The following LRRC37A variants were observed in gnomAD, a reference collection of about 807,000 sequenced individuals.
LRRC37A encodes leucine rich repeat containing 37A.
Under a neutral mutation model 35.4 loss-of-function variants are expected in LRRC37A, and 3 were observed. The ratio of observed to expected loss-of-function variants is 0.08; its 90% CI spans 0.04 to 0.22. LRRC37A has a LOEUF of 0.22. Ranked by LOEUF, LRRC37A falls within the 10% of genes least tolerant of loss-of-function variation. The pLI is 1.00. For missense variants in LRRC37A, 67 were observed against 565.3 expected, an observed-to-expected ratio of 0.12 and a Z score of 8.94; for synonymous variants, 23 against 215.0, an observed-to-expected ratio of 0.11 and a Z score of 7.81.
chr17:46,291,706 CT>C (rs2050072020), upstream of LRRC37A, among the ~76,000 whole-genome samples: 1 of 151,896 alleles, frequency 6.6e-6, no homozygotes, highest in Non-Finnish European at 1.5e-5. Flanking sequence ...GGATCACTTG[CT>C]TGAGCCCGGG....
At chr17:46,282,706 G>A in the LRRC37A span, among the ~76,000 whole-genome samples, 6 of 151,934 alleles carry the variant, frequency 3.9e-5, no homozygotes, top group African/African-American at 1.5e-4. Context: ...ACAGGCATAA[G>A]TCACCTTGCC....
the LRRC37A span, among the ~76,000 whole-genome samples, chr17:46,261,988 T>C: frequency 0.13 from 19,446 of 152,044 alleles, 1 homozygote; most frequent in Middle Eastern, 0.2. Flanking sequence ...CTTGCTCTGT[T>C]GCCCAGGCTG....
chr17:46,271,884 C>T, the LRRC37A span, among the ~76,000 whole-genome samples: 1 of 152,212 alleles, frequency 6.6e-6, no homozygotes, highest in African/African-American at 2.4e-5. Flanking sequence ...ACCTCAGCCT[C>T]CTGAGTAGCT....
upstream of LRRC37A, among the ~76,000 whole-genome samples, chr17:46,289,383 A>G (rs1329964551): frequency 6.6e-6 from 1 of 152,032 alleles, no homozygotes; most frequent in Non-Finnish European, 1.5e-5. Flanking sequence ...TGTGTTGCCC[A>G]GGTAACTTAC....
intron 1 of LRRC37A, among the ~76,000 whole-genome samples, chr17:46,298,723 C>CAA (rs1189992034): frequency 7.4e-4 from 30 of 40,352 alleles, no homozygotes; most frequent in Non-Finnish European, 1.0e-3. Context: ...GACTCCATCT[C>CAA]AAAAAAAAAA....
At chr17:46,332,197 TA>T (rs1344429052) in intron 9 of LRRC37A, among the ~76,000 whole-genome samples, 2 of 27,934 alleles carry the variant, frequency 7.2e-5, no homozygotes, top group Non-Finnish European at 1.2e-4. Context: ...CTCACGCCTG[TA>T]ATCTCAGCAC....
At chr17:46,285,602 A>T in the LRRC37A span, among the ~76,000 whole-genome samples, 1 of 152,168 alleles carries the variant, frequency 6.6e-6, no homozygotes, top group Non-Finnish European at 1.5e-5. Context: ...TTCTCAATCC[A>T]TGGGAGTGAG....
the LRRC37A span, among the ~76,000 whole-genome samples, chr17:46,265,271 TTCTTCTTCTTCTTC>T: frequency 1.8e-5 from 1 of 56,880 alleles, no homozygotes; most frequent in African/African-American, 5.6e-5. Context: ...CTTCTTCTTC[TTCTTCTTCTTCTTC>T]TTCTTCTTCT....
the LRRC37A span, chr17:46,267,247 G>A: frequency 2.8e-5 from 24 of 845,122 alleles, no homozygotes; most frequent in African/African-American, 3.7e-5. Flanking sequence ...CATGCGGGCC[G>A]TTTCGCTGTT....
At chr17:46,259,383 C>T in the LRRC37A span, among the ~76,000 whole-genome samples, 2 of 152,208 alleles carry the variant, frequency 1.3e-5, no homozygotes, top group South Asian at 2.1e-4. Flanking sequence ...ACCTAAGCTG[C>T]CCCCAGGTGC....
At chr17:46,263,379 C>T in the LRRC37A span, among the ~76,000 whole-genome samples, 6 of 152,030 alleles carry the variant, frequency 3.9e-5, no homozygotes, top group South Asian at 2.1e-4. Context: ...GGTGAAACCC[C>T]GTCTCTACTA....
the LRRC37A span, among the ~76,000 whole-genome samples, chr17:46,258,707 CTTTTTTTTT>C: frequency 9.1e-4 from 74 of 81,048 alleles, no homozygotes; most frequent in Middle Eastern, 0.022. Context: ...GACTATTATT[CTTTTTTTTT>C]TTTTTTTTTT....
chr17:46,274,250 T>A, the LRRC37A span, among the ~76,000 whole-genome samples: 1 of 152,226 alleles, frequency 6.6e-6, no homozygotes, highest in Non-Finnish European at 1.5e-5. Context: ...TGAATTTTAA[T>A]ACAAAAAGAA....
At chr17:46,268,790 C>T in the LRRC37A span, 1 of 900,936 alleles carries the variant, frequency 1.1e-6, no homozygotes, top group South Asian at 2.7e-5. Flanking sequence ...AGAAGAGAGC[C>T]CAAAGCTACT....
intron 10 of LRRC37A, among the ~76,000 whole-genome samples, chr17:46,332,860 T>C (rs1362202286): frequency 1.9e-4 from 29 of 150,134 alleles, no homozygotes; most frequent in Admixed American, 2.0e-4. Flanking sequence ...CTTTCAGATC[T>C]CTGTGAATTG....
chr17:46,257,869 CATTT>C, the LRRC37A span, among the ~76,000 whole-genome samples: 2 of 151,730 alleles, frequency 1.3e-5, no homozygotes, highest in African/African-American at 4.8e-5. Flanking sequence ...AAACAAAAAA[CATTT>C]ATTATATCAC....
chr17:46,280,060 G>A, the LRRC37A span, among the ~76,000 whole-genome samples: 1 of 152,086 alleles, frequency 6.6e-6, no homozygotes, highest in East Asian at 1.9e-4. Flanking sequence ...TGAACCTCTT[G>A]TTTTCTGAAC....
upstream of LRRC37A, among the ~76,000 whole-genome samples, chr17:46,289,037 T>G (rs1270970225): frequency 1.3e-5 from 2 of 152,196 alleles, no homozygotes; most frequent in African/African-American, 4.8e-5. Flanking sequence ...TTGCCATACT[T>G]TTTAAGTGCA....
At chr17:46,257,771 A>C in the LRRC37A span, among the ~76,000 whole-genome samples, 1 of 151,706 alleles carries the variant, frequency 6.6e-6, no homozygotes, top group East Asian at 1.9e-4. Context: ...GCAATGAGCC[A>C]TGATCATACC....
Sources: gnomAD v4.1 joint callset for allele counts (sites outside exome capture counted in the v4.1 genomes callset) on GRCh38, gnomAD v4.1.1 for gene constraint, MANE v1.5 for transcripts, NCBI Gene and HGNC (gene_info 2026-07-23, HGNC 2026-07-21) for gene names.